HERC2: variants seen among roughly 807,000 people sequenced by gnomAD.
The protein encoded by HERC2 is E3 ubiquitin-protein ligase HERC2.
HERC2 carries 102 observed loss-of-function variants against 537.7 expected under a neutral mutation model. The ratio of observed to expected loss-of-function variants is 0.19; its 90% CI spans 0.16 to 0.22. The LOEUF (loss-of-function observed/expected upper bound fraction) is 0.22, where lower values mean the gene tolerates loss of function less well. HERC2 is among the 10% of genes least tolerant of loss of function. The probability of loss-of-function intolerance (pLI) is 1.00; values close to 1 mark genes in which losing one functional copy is unlikely to be tolerated. For missense variants in HERC2, 4,236 were observed against 6,198.2 expected (o/e 0.68, Z 10.63); for synonymous variants, 2,224 against 2,466.2 (o/e 0.90, Z 2.91).
intron 52 of HERC2, among the ~76,000 whole-genome samples, chr15:28,194,031 C>T (rs1206607734): frequency 6.7e-6 from 1 of 149,438 alleles, no homozygotes; most frequent in African/African-American, 2.4e-5. Context: ...TACATAAAAT[C>T]ATCACATGCC....
At chr15:28,182,700 T>C (rs1223940791) in intron 56 of HERC2, among the ~76,000 whole-genome samples, 188 bp from the exon 57 acceptor site, 2 of 152,176 alleles carry the variant, frequency 1.3e-5, no homozygotes, top group Non-Finnish European at 2.9e-5. Flanking sequence ...GAGGGTCAAA[T>C]TTTCTAGATA....
chr15:28,150,828 T>C (rs1192865208), intron 70 of HERC2, among the ~76,000 whole-genome samples: 1 of 151,960 alleles, frequency 6.6e-6, no homozygotes, highest in Non-Finnish European at 1.5e-5. Flanking sequence ...ATCATTATCA[T>C]ACTTTCACAG....
At chr15:28,206,949 T>C (rs1048655153) in intron 44 of HERC2, among the ~76,000 whole-genome samples, 2 of 149,868 alleles carry the variant, frequency 1.3e-5, no homozygotes, top group Non-Finnish European at 3.0e-5. Flanking sequence ...AGTTGGAGGT[T>C]GCAGCGAGCC....
Position 28,191,089 on chromosome 15 carries a change from G to T in HERC2, c.8558-33C>A, listed in dbSNP as rs373381932. 85 of 1,588,024 alleles carry T rather than the reference G, an allele frequency of 5.4e-5. 1 individual carries two copies. The South Asian group carries it at 8.7e-4, about 16-fold the overall frequency. ...AAAATGGGTAAAGAATCAAACAAAG[G>T]CGTCTTTATTATAGAAGGTACTTCT... On this transcript the variant is annotated intron_variant, in intron 54 of 92. Transcript: ENST00000261609.
intron 52 of HERC2, 90 bp from the exon 53 acceptor site, chr15:28,192,241 T>A: frequency 8.9e-7 from 1 of 1,122,668 alleles, no homozygotes; most frequent in Non-Finnish European, 1.3e-6. Flanking sequence ...AGGAGCTTCT[T>A]AAAGAAAAAT....
intron 78 of HERC2, among the ~76,000 whole-genome samples, chr15:28,138,977 G>T (rs1471705637): frequency 1.3e-5 from 2 of 152,180 alleles, no homozygotes; most frequent in Non-Finnish European, 1.5e-5. Context: ...GATTCAACAC[G>T]AGTGGAAGAA....
intron 14 of HERC2, among the ~76,000 whole-genome samples, chr15:28,264,921 C>G (rs1157474851): frequency 6.6e-6 from 1 of 152,074 alleles, no homozygotes; most frequent in Non-Finnish European, 1.5e-5. Flanking sequence ...GGCAGCAGGA[C>G]CGACATACAG....
At chr15:28,305,979 T>C (rs1430722450) in intron 2 of HERC2, among the ~76,000 whole-genome samples, 2 of 152,184 alleles carry the variant, frequency 1.3e-5, no homozygotes, top group Non-Finnish European at 2.9e-5. Flanking sequence ...CACTATGAGA[T>C]ACCATCTCAC....
At chr15:28,304,283 C>G (rs1266465929) in intron 2 of HERC2, among the ~76,000 whole-genome samples, 3 of 149,580 alleles carry the variant, frequency 2.0e-5, no homozygotes, top group Non-Finnish European at 4.4e-5. Context: ...GTGGAGTTTT[C>G]AGGTTTTTCC....
chr15:28,115,378 G>A (rs750422086), intron 89 of HERC2, 51 bp downstream of exon 89: 5 of 1,231,054 alleles, frequency 4.1e-6, no homozygotes. Flanking sequence ...AGAACAGACT[G>A]TGCCTGTTAA....
At chr15:28,200,843 G>A (rs1322332957) in intron 48 of HERC2, among the ~76,000 whole-genome samples, 7 of 142,100 alleles carry the variant, frequency 4.9e-5, no homozygotes, top group Admixed American at 2.2e-4. Flanking sequence ...GAAATGAGAT[G>A]ATTTGGGGGA....
chr15:28,258,168 A>G (rs181059205), intron 16 of HERC2, among the ~76,000 whole-genome samples: 5 of 152,198 alleles, frequency 3.3e-5, no homozygotes, highest in African/African-American at 1.2e-4. Context: ...TAAACAACAT[A>G]CTTAATAATC....
At chr15:28,211,989 G>A (rs1462289407) in intron 43 of HERC2, among the ~76,000 whole-genome samples, 1 of 152,172 alleles carries the variant, frequency 6.6e-6, no homozygotes, top group African/African-American at 2.4e-5. Flanking sequence ...ACAACCGAAG[G>A]AAGGCAAAGC....
intron 15 of HERC2, among the ~76,000 whole-genome samples, chr15:28,262,632 G>A (rs1259233790): frequency 6.6e-6 from 1 of 152,076 alleles, no homozygotes; most frequent in Non-Finnish European, 1.5e-5. Flanking sequence ...ACTGAGTCCA[G>A]CCTGCTGAGT....
chr15:28,313,545 G>T (rs938927567), intron 2 of HERC2, among the ~76,000 whole-genome samples: 1 of 152,154 alleles, frequency 6.6e-6, no homozygotes, highest in Non-Finnish European at 1.5e-5. Context: ...TATAACAAAT[G>T]AATATCTGAT....
rs58447102 is a variant in HERC2, at chr15:28,279,615, C to CCACACACACACACA, written c.542+439_542+452dup. On this transcript the variant is annotated intron_variant, in intron 5 of 92. Transcript: ENST00000261609. ...TGAGGCCAGGAGCAAGACCCCATCT[C>CCACACACACACACA]CACACACACACACACACACACACAC... 3.9e-3 allele frequency among the ~76,000 whole-genome samples: 556 copies of CCACACACACACACA among 141,664 alleles called. 2 individuals carry two copies. Among genetic ancestry groups the CCACACACACACACA allele is most frequent in the African/African-American group, 0.012 (467 of 37,792 alleles). The allele number at this position is 141,664 out of a possible 152,430, so 92.9% of individuals were successfully genotyped here.
At chr15:28,121,255 C>A in intron 86 of HERC2, 91 bp downstream of exon 86, 1 of 1,142,410 alleles carries the variant, frequency 8.8e-7, no homozygotes, top group Non-Finnish European at 1.3e-6. Context: ...CACAGGATGG[C>A]AGGCTACCAG....
chr15:28,132,797 C>T lies in HERC2; in HGVS notation c.12264G>A (p.Leu4088=). 3.1e-6 allele frequency: 5 copies of T among 1,593,350 alleles called. No individual in the cohort carries two copies. The highest frequency in any genetic ancestry group is 4.3e-6 in the Non-Finnish European group (5 of 1,170,516). Residue 4088 remains leucine (L), a synonymous_variant, in exon 80 of 93, where the codon CTG becomes CTA. Coordinates refer to ENST00000261609, the MANE Select transcript of HERC2 (RefSeq NM_004667.6). The part of the protein sequence containing the change: ...PCDRPRVIES[L]RGIEVVDVAA... The stretch of plus-strand genomic sequence containing the variant: ...CAACATCGACCACTTCAATTCCTCT[C>T]AGAGACTCGATGACACGAGGGCGGT...
chr15:28,285,488 T>A (rs1482187706), intron 4 of HERC2, among the ~76,000 whole-genome samples: 1 of 151,920 alleles, frequency 6.6e-6, no homozygotes, highest in Non-Finnish European at 1.5e-5. Flanking sequence ...TAAAATATAT[T>A]CTGAACTGAG....
Sources: allele counts gnomAD v4.1 joint callset (sites outside exome capture counted in the v4.1 genomes callset), GRCh38; gene constraint gnomAD v4.1.1; transcripts MANE v1.5; gene names NCBI Gene and HGNC (gene_info 2026-07-23, HGNC 2026-07-21).